Variants in RAB3GAP2 observed in about 807,000 individuals in gnomAD.
RAB3GAP2 encodes the protein RAB3 GTPase activating non-catalytic protein subunit 2, also known as rab3 GTPase-activating protein non-catalytic subunit.
Under a neutral mutation model 185.3 loss-of-function variants are expected in RAB3GAP2, and 87 were observed. The observed-to-expected ratio is 0.47, with a 90% CI of 0.39 to 0.56. The LOEUF (loss-of-function observed/expected upper bound fraction) is 0.56, where lower values mean the gene tolerates loss of function less well. Ranked by LOEUF, RAB3GAP2 falls within the 20% of genes least tolerant of loss-of-function variation. The pLI is 0.00. For missense variants in RAB3GAP2, 1,492 were observed against 1,638.2 expected (o/e 0.91, Z 1.54); for synonymous variants, 554 against 576.1 (o/e 0.96, Z 0.55).
intron 21 of RAB3GAP2, among the ~76,000 whole-genome samples, chr1:220,176,307 T>A (rs2102861861): frequency 6.6e-6 from 1 of 152,310 alleles, no homozygotes; most frequent in Non-Finnish European, 1.5e-5. Context: ...CCAGATGATG[T>A]CTAAATAATA....
At chr1:220,209,013 G>A (rs1054252586) in intron 7 of RAB3GAP2, among the ~76,000 whole-genome samples, 2 of 152,028 alleles carry the variant, frequency 1.3e-5, no homozygotes, top group Non-Finnish European at 2.9e-5. Flanking sequence ...CACCGTGCCC[G>A]GCCCCAAAAC....
At chr1:220,176,108 A>AT (rs1658283978) in intron 21 of RAB3GAP2, among the ~76,000 whole-genome samples, 1 of 152,232 alleles carries the variant, frequency 6.6e-6, no homozygotes, top group African/African-American at 2.4e-5. Flanking sequence ...ATGGACACAT[A>AT]TAACAGGAGA....
chr1:220,177,565 C>A (rs986012633), intron 21 of RAB3GAP2, among the ~76,000 whole-genome samples: 1 of 151,970 alleles, frequency 6.6e-6, no homozygotes, highest in Non-Finnish European at 1.5e-5. Flanking sequence ...AAAACCCACA[C>A]AATCTATTCA....
chr1:220,236,738 T>C (rs1659598270), intron 1 of RAB3GAP2, among the ~76,000 whole-genome samples: 2 of 152,100 alleles, frequency 1.3e-5, no homozygotes, highest in Non-Finnish European at 2.9e-5. Context: ...TTGCCATTCA[T>C]GTAAAGAATT....
intron 24 of RAB3GAP2, among the ~76,000 whole-genome samples, chr1:220,168,350 C>G (rs141575007): frequency 0.022 from 3,271 of 151,984 alleles, 116 homozygotes; most frequent in African/African-American, 0.074. Flanking sequence ...CCTCAGCCCC[C>G]CAAAGTGCTA....
rs565200736 is a variant in RAB3GAP2, at chr1:220,229,837, G to A, written c.180+2962C>T. On this transcript the variant is annotated intron_variant, in intron 2 of 34. Coordinates refer to ENST00000358951, the MANE Select transcript of RAB3GAP2 (RefSeq NM_012414.4). ...GTGTCCACTTTAGTATGCAATGCCT[G>A]TGAGGTTTATTCCAGAAAACCTCAA... Among the ~76,000 whole-genome samples the A allele has an allele frequency of 3.3e-5, 5 of 152,310 alleles. No homozygotes were observed. The South Asian group carries it at 1.0e-3, about 32-fold the overall frequency.
intron 17 of RAB3GAP2, among the ~76,000 whole-genome samples, chr1:220,186,619 T>A (rs770266971): frequency 6.6e-6 from 1 of 152,118 alleles, no homozygotes; most frequent in Non-Finnish European, 1.5e-5. Context: ...CTTGTTTTCT[T>A]CCCCATTATT....
chr1:220,171,844 C>T (rs781483363), intron 23 of RAB3GAP2, 45 bp downstream of exon 23: 1 of 1,612,874 alleles, frequency 6.2e-7, no homozygotes, highest in South Asian at 1.1e-5. Flanking sequence ...ATCCCCTTAG[C>T]CTACTGGATG....
At chr1:220,165,845 T>C (rs1416899903) in intron 26 of RAB3GAP2, among the ~76,000 whole-genome samples, 1 of 152,206 alleles carries the variant, frequency 6.6e-6, no homozygotes, top group East Asian at 1.9e-4. Context: ...CTATGAGGAT[T>C]ACAAGCTCTA....
intron 23 of RAB3GAP2, among the ~76,000 whole-genome samples, chr1:220,171,562 A>T (rs1658178154): frequency 6.6e-6 from 1 of 152,234 alleles, no homozygotes; most frequent in Non-Finnish European, 1.5e-5. Context: ...ACAGTGGCTG[A>T]CAATGTTAAG....
At chr1:220,265,499 A>T (rs1660212597) in intron 1 of RAB3GAP2, among the ~76,000 whole-genome samples, 1 of 151,892 alleles carries the variant, frequency 6.6e-6, no homozygotes, top group Admixed American at 6.6e-5. Flanking sequence ...ATTTATTTAT[A>T]TATTTATTTA....
chr1:220,179,772 G>T (rs1658365719), intron 21 of RAB3GAP2, among the ~76,000 whole-genome samples: 1 of 152,088 alleles, frequency 6.6e-6, no homozygotes, highest in South Asian at 2.1e-4. Flanking sequence ...AACCAATGAG[G>T]CAAGGAAGCA....
chr1:220,157,527 G>A (rs752642594), intron 30 of RAB3GAP2, 39 bp from the exon 31 acceptor site: 2 of 1,584,108 alleles, frequency 1.3e-6, no homozygotes, highest in South Asian at 2.2e-5. Flanking sequence ...TTCAGTAATG[G>A]AAAAATAATA....
chr1:220,153,826 C>T (rs1040132734), intron 32 of RAB3GAP2, 142 bp downstream of exon 32: 82 of 1,154,558 alleles, frequency 7.1e-5, no homozygotes, highest in Non-Finnish European at 9.5e-5. Flanking sequence ...TGTTCAACTC[C>T]CACCTATGAG....
chr1:220,197,447 G>A (rs954296826), intron 9 of RAB3GAP2, among the ~76,000 whole-genome samples: 3 of 152,114 alleles, frequency 2.0e-5, no homozygotes, highest in Non-Finnish European at 4.4e-5. Flanking sequence ...GCCATTCACT[G>A]GCTTTATAGG....
At chr1:220,227,267 G>C (rs1254753850) in intron 2 of RAB3GAP2, among the ~76,000 whole-genome samples, 1 of 152,134 alleles carries the variant, frequency 6.6e-6, no homozygotes. Flanking sequence ...ACGGCCGATA[G>C]TGTATATTAA....
At chr1:220,221,196 C>T (rs760894451) in intron 2 of RAB3GAP2, among the ~76,000 whole-genome samples, 2 of 152,176 alleles carry the variant, frequency 1.3e-5, no homozygotes, top group Non-Finnish European at 2.9e-5. Context: ...TTTTTATGCA[C>T]TGTCCTCATG....
At chr1:220,252,877 A>G (rs1471296209) in intron 1 of RAB3GAP2, among the ~76,000 whole-genome samples, 1 of 152,074 alleles carries the variant, frequency 6.6e-6, no homozygotes, top group African/African-American at 2.4e-5. Context: ...TATCCCTAAG[A>G]AGGGGGCTGA....
At chr1:220,234,480 A>G (rs1262767021) in intron 1 of RAB3GAP2, among the ~76,000 whole-genome samples, 1 of 152,250 alleles carries the variant, frequency 6.6e-6, no homozygotes, top group African/African-American at 2.4e-5. Flanking sequence ...ATGCCAAATA[A>G]TTACTTCCTA....
Sources: gnomAD v4.1 joint callset for allele counts (sites outside exome capture counted in the v4.1 genomes callset) on GRCh38, gnomAD v4.1.1 for gene constraint, MANE v1.5 for transcripts, NCBI Gene and HGNC (gene_info 2026-07-23, HGNC 2026-07-21) for gene names.